The following PML variants were observed in gnomAD, a reference collection of about 807,000 sequenced individuals.
The protein encoded by PML is protein PML.
Under a neutral mutation model 65.2 loss-of-function variants are expected in PML, and 28 were observed. The observed-to-expected ratio is 0.43, with a 90% CI of 0.32 to 0.59. PML has a LOEUF of 0.59. Ranked by LOEUF, PML falls within the 20% of genes least tolerant of loss-of-function variation. The pLI, the probability that PML is intolerant of heterozygous loss-of-function variation, is 0.08. For missense variants in PML, 1,021 were observed against 1,203.4 expected (o/e 0.85, Z 2.24); for synonymous variants, 500 against 508.8 (o/e 0.98, Z 0.23).
intron 2 of PML, among the ~76,000 whole-genome samples, chr15:74,004,017 A>G (rs1239135083): frequency 6.6e-6 from 1 of 152,162 alleles, no homozygotes. Flanking sequence ...ATAAATTTCT[A>G]GTCTCTGGTG....
rs2071765935 is a variant in PML at position 74,045,911 on chromosome 15, CTG to C, written c.*907_*908del. The C allele has an allele frequency of 4.3e-6, 1 of 232,266 alleles. No homozygotes were observed. Among genetic ancestry groups the C allele is most frequent in the East Asian group, 6.1e-5 (1 of 16,492 alleles). The allele number at this position is 232,266 out of a possible 1,614,324, so 14.4% of individuals were successfully genotyped here. A position where few individuals can be genotyped will look rare whatever the true frequency, so the allele number is the denominator to read the frequency against. ...AATCTTCAGGGTGGGGCCCAGCAGTCTGTGTTTTAACAGGTTCTCCCGGTGAT... is the reference window on the plus strand; with the variant it reads ...AATCTTCAGGGTGGGGCCCAGCAGTCTGTTTTAACAGGTTCTCCCGGTGAT... On this transcript the variant is annotated 3_prime_UTR_variant, in exon 9 of 9. Coordinates refer to ENST00000268058, the MANE Select transcript of PML (RefSeq NM_033238.3).
intron 2 of PML, among the ~76,000 whole-genome samples, chr15:74,018,310 GA>G: frequency 7.3e-6 from 1 of 137,204 alleles, no homozygotes; most frequent in South Asian, 2.3e-4. Context: ...GCAACAGAGT[GA>G]GACTCAGTCT....
At chr15:74,041,037 G>A (rs926812828) in intron 7 of PML, among the ~76,000 whole-genome samples, 5 of 152,198 alleles carry the variant, frequency 3.3e-5, no homozygotes, top group African/African-American at 7.2e-5. Flanking sequence ...ATCTGAAGGC[G>A]GGAAGACTGG....
intron 2 of PML, among the ~76,000 whole-genome samples, chr15:73,999,183 TGA>T (rs2069645472): frequency 6.6e-6 from 1 of 152,220 alleles, no homozygotes; most frequent in Admixed American, 6.5e-5. Flanking sequence ...ATGTTTCTTC[TGA>T]GAGTTTCTTT....
chr15:73,997,646 C>T (rs1433117230), intron 1 of PML, among the ~76,000 whole-genome samples: 2 of 152,170 alleles, frequency 1.3e-5, no homozygotes, highest in Admixed American at 6.5e-5. Flanking sequence ...TCCATGCTTA[C>T]CTCTTTAATG....
rs536738558 is a variant in PML at position 74,010,185 on chromosome 15, A to ATTTTTTTTTTTTT, written c.602+11725_602+11737dup. ...AGACATGCACCACCATGCCCAGCTA[A>ATTTTTTTTTTTTT]TTTTTTTTTTTTTTTTTTTTTTTTT... On this transcript the variant is annotated intron_variant, in intron 2 of 8. Coordinates refer to ENST00000268058, the MANE Select transcript of PML (RefSeq NM_033238.3). 2.5e-3 allele frequency among the ~76,000 whole-genome samples: 192 copies of ATTTTTTTTTTTTT among 77,920 alleles called. 10 individuals are homozygous for ATTTTTTTTTTTTT. The highest frequency in any genetic ancestry group is 3.4e-3 in the Non-Finnish European group (144 of 42,196). 51.1% of individuals were successfully genotyped at this position (77,920 alleles called of 152,430 possible).
At chr15:73,996,354 A>G (rs552135949) in intron 1 of PML, among the ~76,000 whole-genome samples, 1 of 152,356 alleles carries the variant, frequency 6.6e-6, no homozygotes, top group African/African-American at 2.4e-5. Flanking sequence ...TTAATTACAT[A>G]TGTATACTCA....
In PML at chr15:74,044,367, C is replaced by T. The variant is rs202099881; in HGVS notation, c.2008C>T (p.Arg670Cys). 5.5e-5 allele frequency: 88 copies of T among 1,614,202 alleles called. No homozygotes were observed. The East Asian group carries it at 1.2e-3, about 22-fold the overall frequency. ...QHFLSFLSSM[R>C]RPILACYKLW... Reference sequence around the variant, plus strand: ...CTTCCTCAGCTTTCTGAGCTCCATGCGCCGCCCTATCTTGGCCTGCTACAA... The same window carrying T: ...CTTCCTCAGCTTTCTGAGCTCCATGTGCCGCCCTATCTTGGCCTGCTACAA... Residue 670 changes from arginine to cysteine, a missense_variant, in exon 9 of 9, where the codon CGC becomes TGC. Transcript: ENST00000268058.
rs1357118058 is a variant in PML, at chr15:74,045,041, G to C, written c.*33G>C. ...GGGTGACCAGCTTGGAGTCTCTGGT[G>C]GGCAGAGAGGGATGGGGTCCCTGAG... On this transcript the variant is annotated 3_prime_UTR_variant, in exon 9 of 9. Transcript: ENST00000268058. 1.3e-6 allele frequency: 2 copies of C among 1,546,206 alleles called. No individual in the cohort carries two copies. The highest frequency in any genetic ancestry group is 2.7e-5 in the African/African-American group (2 of 73,624).
In PML at chr15:73,998,496, G is replaced by A; in HGVS notation, c.602+20G>A. The A allele has an allele frequency of 1.3e-6, 2 of 1,598,058 alleles. No homozygotes were observed. Among genetic ancestry groups the A allele is most frequent in the South Asian group, 2.2e-5 (2 of 90,696 alleles). ...GACCAGGTGAGTAGGCCGGCACAGG[G>A]TGGGGTGGTGCATCCAAGTACCAGG... On this transcript the variant is annotated intron_variant, in intron 2 of 8. Transcript: ENST00000268058.
Position 73,998,271 on chromosome 15 carries a change from A to G in PML, c.397A>G (p.Lys133Glu). The G allele has an allele frequency of 1.5e-5, 25 of 1,614,208 alleles. No individual in the cohort carries two copies. Among genetic ancestry groups the G allele is most frequent in the Non-Finnish European group, 2.1e-5 (25 of 1,180,028 alleles). ...VDAQAVCTRCKESADFWCFEC... is the reference protein window; with the variant it reads ...VDAQAVCTRCEESADFWCFEC... ...TGCGCAGGCTGTGTGCACCCGCTGC[A>G]AAGAGTCGGCCGACTTCTGGTGCTT... Residue 133 changes from lysine to glutamate, a missense_variant, in exon 2 of 9, where the codon AAA (lysine) becomes GAA (glutamate). Physicochemically the swap from Lys to Glu is moderately conservative, Grantham distance 56. Coordinates refer to ENST00000268058, the MANE Select transcript of PML (RefSeq NM_033238.3).
intron 6 of PML, chr15:74,034,148 GCTT>G: frequency 6.8e-6 from 3 of 439,702 alleles, no homozygotes; most frequent in East Asian, 4.6e-5. Flanking sequence ...GGGACAGTGT[GCTT>G]CTTTAGGATT....
chr15:74,041,963 C>G (rs895552679), intron 7 of PML, among the ~76,000 whole-genome samples: 2 of 152,244 alleles, frequency 1.3e-5, no homozygotes, highest in Non-Finnish European at 2.9e-5. Flanking sequence ...CTCTTCCTTG[C>G]TGGTCTCTGG....
At chr15:73,995,001 G>A in intron 1 of PML, 60 bp downstream of exon 1, 1 of 1,427,350 alleles carries the variant, frequency 7.0e-7, no homozygotes, top group Non-Finnish European at 9.4e-7. Flanking sequence ...GGTGGGGAGA[G>A]GCGGGAAGAG....
At chr15:74,009,028 G>T (rs1342189512) in intron 2 of PML, among the ~76,000 whole-genome samples, 1 of 152,190 alleles carries the variant, frequency 6.6e-6, no homozygotes, top group Non-Finnish European at 1.5e-5. Flanking sequence ...AGGTGGGGGT[G>T]AGGCCTGCAA....
chr15:73,996,852 A>G (rs1392089214), intron 1 of PML, among the ~76,000 whole-genome samples: 1 of 152,176 alleles, frequency 6.6e-6, no homozygotes, highest in Non-Finnish European at 1.5e-5. Context: ...GAACTTACTT[A>G]TTCTAGATAT....
At chr15:74,007,443 G>T (rs930014128) in intron 2 of PML, among the ~76,000 whole-genome samples, 2 of 152,206 alleles carry the variant, frequency 1.3e-5, no homozygotes, top group Non-Finnish European at 2.9e-5. Flanking sequence ...GAAAAATCAT[G>T]TGCTCCCACT....
At chr15:74,007,384 A>T (rs747099662) in intron 2 of PML, among the ~76,000 whole-genome samples, 22 of 152,224 alleles carry the variant, frequency 1.4e-4, no homozygotes, top group Non-Finnish European at 3.1e-4. Flanking sequence ...AGCCAGCAAG[A>T]GGGCAGGATT....
At position 74,044,564 on chromosome 15, in the gene PML, G is replaced by T; in HGVS notation, c.2205G>T (p.Ala735=). Residue 735 remains alanine, a synonymous_variant, in exon 9 of 9, where the codon GCG becomes GCT. Coordinates refer to ENST00000268058, the MANE Select transcript of PML (RefSeq NM_033238.3). ...KLKNLAQTYL[A]RNMSERSAMA... ...AGAACCTGGCCCAGACCTACCTGGCGAGAAACATGAGCGAGCGCAGCGCCA... is the reference window on the plus strand; with the variant it reads ...AGAACCTGGCCCAGACCTACCTGGCTAGAAACATGAGCGAGCGCAGCGCCA... The T allele has an allele frequency of 6.2e-7, 1 of 1,612,414 alleles. No individual in the cohort carries two copies.
Sources: gnomAD v4.1 joint callset for allele counts (sites outside exome capture counted in the v4.1 genomes callset) on GRCh38, gnomAD v4.1.1 for gene constraint, MANE v1.5 for transcripts, NCBI Gene and HGNC (gene_info 2026-07-23, HGNC 2026-07-21) for gene names.